Variants in KTN1 observed in about 807,000 individuals in gnomAD.
KTN1 encodes the protein kinectin.
A neutral mutation model predicts 222.5 loss-of-function variants in KTN1; 130 were observed. The observed-to-expected ratio is 0.58, with a 90% confidence interval of 0.51 to 0.68. KTN1 has a LOEUF of 0.68. Among genes scored for constraint, KTN1 ranks in the 30% least tolerant of loss-of-function variants. The pLI, the probability that KTN1 is intolerant of heterozygous loss-of-function variation, is 0.00. For missense variants in KTN1, 1,508 were observed against 1,500.4 expected, an observed-to-expected ratio of 1.01 and a Z score of -0.08; for synonymous variants, 512 against 496.3, an observed-to-expected ratio of 1.03 and a Z score of -0.42.
chr14:55,650,360 TAGA>T lies in KTN1; in HGVS notation c.2442_2444del (p.Glu815del). The stretch of plus-strand genomic sequence containing the variant: ...GAGAAAGATGGAAAGATCAAGTCTG[TAGA>T]AGAGCTTCTGGAGGCAGAACTTCTC... On this transcript the variant is annotated inframe_deletion, in exon 23 of 44. Transcript: ENST00000395314. The T allele has an allele frequency of 1.2e-6, 2 of 1,610,742 alleles. No homozygotes were observed. Among genetic ancestry groups the T allele is most frequent in the Non-Finnish European group, 1.7e-6 (2 of 1,178,734 alleles).
At chr14:55,656,694 T>G (rs957938655) in intron 29 of KTN1, among the ~76,000 whole-genome samples, 4 of 152,136 alleles carry the variant, frequency 2.6e-5, no homozygotes, top group Non-Finnish European at 4.4e-5. Context: ...CTCGAACTCC[T>G]GACCTCAGGT....
chr14:55,601,473 T>C (rs1013058957), intron 1 of KTN1, among the ~76,000 whole-genome samples: 1 of 152,228 alleles, frequency 6.6e-6, no homozygotes, highest in African/African-American at 2.4e-5. Flanking sequence ...ATAATTGCGT[T>C]GTGCACTCCG....
Position 55,671,765 on chromosome 14 carries a change from A to C in KTN1, c.3439-20A>C. 1 of 1,584,342 alleles carries C rather than the reference A, an allele frequency of 6.3e-7. No homozygotes were observed. The highest frequency in any genetic ancestry group is 8.7e-7 in the Non-Finnish European group (1 of 1,154,156). ...CATTAGAACATGAATTTTTCAAAACAACTATGCTTTTGTCTGTAGGAAGGA... is the reference window on the plus strand; with the variant it reads ...CATTAGAACATGAATTTTTCAAAACCACTATGCTTTTGTCTGTAGGAAGGA... On this transcript the variant is annotated intron_variant, in intron 36 of 43. Coordinates refer to ENST00000395314, the MANE Select transcript of KTN1 (RefSeq NM_001079521.2).
intron 1 of KTN1, among the ~76,000 whole-genome samples, chr14:55,589,722 G>T (rs1218912214): frequency 7.2e-6 from 1 of 138,952 alleles, no homozygotes; most frequent in Non-Finnish European, 1.5e-5. Flanking sequence ...GCAGTGGCAC[G>T]ATCTCTGCTC....
At chr14:55,660,148 A>G (rs972598095) in intron 31 of KTN1, among the ~76,000 whole-genome samples, 1 of 152,120 alleles carries the variant, frequency 6.6e-6, no homozygotes, top group Non-Finnish European at 1.5e-5. Flanking sequence ...GGGGAGACTG[A>G]GACGGGAGGA....
chr14:55,629,417 CAAAAAAAAAAAA>C (rs58348373), intron 6 of KTN1, among the ~76,000 whole-genome samples: 3 of 49,148 alleles, frequency 6.1e-5, no homozygotes, highest in South Asian at 1.7e-3. Flanking sequence ...GACTCCGTCT[CAAAAAAAAAAAA>C]AAAAAAAAAA....
chr14:55,639,041 A>G (rs577533844), intron 12 of KTN1, 144 bp from the exon 13 acceptor site: 1 of 547,664 alleles, frequency 1.8e-6, no homozygotes, highest in Non-Finnish European at 3.3e-6. Flanking sequence ...GTTACTCTTT[A>G]TTGAACACTT....
At position 55,612,570 on chromosome 14, in the gene KTN1, C is replaced by T. The variant is rs766562759; in HGVS notation, c.522C>T (p.Ser174=). The T allele has an allele frequency of 1.2e-5, 19 of 1,574,138 alleles. No individual in the cohort carries two copies. The highest frequency in any genetic ancestry group is 6.9e-5 in the African/African-American group (5 of 72,336). The change falls in exon 2 of 44, where the codon AGC becomes AGT. Residue 174 remains serine (S), a splice_region_variant and synonymous_variant. Transcript: ENST00000395314. ...GGCAGAAGAAGTCTAAAAATGGAAG[C>T]GGTATTGTAATCTATTTAATCTATT... is the stretch of plus-strand genomic sequence containing the variant. ...KPGQKKSKNG[S]DDQDKKVETL...
chr14:55,589,656 C>CTTTTTTTTTTTT (rs765755065), intron 1 of KTN1, among the ~76,000 whole-genome samples: 5 of 102,060 alleles, frequency 4.9e-5, no homozygotes, highest in Non-Finnish European at 9.5e-5. Flanking sequence ...CATCTGATTT[C>CTTTTTTTTTTTT]TTTTTTTTTT....
intron 23 of KTN1, 42 bp downstream of exon 23, chr14:55,650,460 C>T (rs745594698): frequency 1.2e-5 from 18 of 1,526,718 alleles, no homozygotes; most frequent in Non-Finnish European, 1.5e-5. Flanking sequence ...TTTTGTTTAT[C>T]AACTTTAGTT....
Position 55,641,736 on chromosome 14 carries a change from G to A in KTN1, c.2148G>A (p.Lys716=). Residue 716 remains lysine (K), a synonymous_variant, in exon 18 of 44, where the codon AAG becomes AAA. Coordinates refer to ENST00000395314, the MANE Select transcript of KTN1 (RefSeq NM_001079521.2). ...QNKALKSEVQ[K]LQTLVSEQPN... is the part of the protein sequence containing the mutation. Reference sequence around the variant, plus strand: ...AAGCATTAAAATCAGAAGTTCAGAAGCTACAGACTCTTGTTTCTGAACAGG... The same window carrying A: ...AAGCATTAAAATCAGAAGTTCAGAAACTACAGACTCTTGTTTCTGAACAGG... 1 of 1,600,588 alleles carries A rather than the reference G, an allele frequency of 6.2e-7. No individual in the cohort carries two copies. The highest frequency in any genetic ancestry group is 8.6e-7 in the Non-Finnish European group (1 of 1,167,956).
chr14:55,612,648 TAC>T, intron 2 of KTN1, 77 bp downstream of exon 2: 1 of 1,154,786 alleles, frequency 8.7e-7, no homozygotes, highest in South Asian at 1.7e-5. Context: ...GTTAGGTACA[TAC>T]ACAGAATGTT....
At chr14:55,658,303 G>C (rs1014194442) in intron 29 of KTN1, among the ~76,000 whole-genome samples, 2 of 152,114 alleles carry the variant, frequency 1.3e-5, no homozygotes, top group Non-Finnish European at 2.9e-5. Flanking sequence ...TAAATTCTTA[G>C]AGCTATTTCG....
At chr14:55,605,032 T>C (rs2036535055) in intron 1 of KTN1, among the ~76,000 whole-genome samples, 1 of 152,240 alleles carries the variant, frequency 6.6e-6, no homozygotes, top group Admixed American at 6.5e-5. Context: ...GATAGGAACC[T>C]ATTCCTATAT....
At chr14:55,660,785 A>G (rs147745407) in intron 31 of KTN1, among the ~76,000 whole-genome samples, 1 of 152,344 alleles carries the variant, frequency 6.6e-6, no homozygotes, top group Non-Finnish European at 1.5e-5. Context: ...ATATGTGTGT[A>G]CATGTATAAA....
At chr14:55,641,635 G>A in intron 17 of KTN1, 57 bp from the exon 18 acceptor site, 1 of 1,077,314 alleles carries the variant, frequency 9.3e-7, no homozygotes, top group Non-Finnish European at 1.4e-6. Flanking sequence ...CCATTCAAAT[G>A]ATTGCTTTAT....
intron 34 of KTN1, 40 bp downstream of exon 34, chr14:55,667,370 T>C: frequency 8.1e-7 from 1 of 1,231,980 alleles, no homozygotes. Flanking sequence ...GATGACATTA[T>C]TCAAGAAAGG....
At chr14:55,667,905 C>CGGG (rs2045002839) in intron 34 of KTN1, 1 of 143,196 alleles carries the variant, frequency 7.0e-6, no homozygotes, top group Non-Finnish European at 1.5e-5. Flanking sequence ...AGTGTAGGGT[C>CGGG]TTTTTTTTTT....
chr14:55,657,605 C>G (rs754724950), intron 29 of KTN1, among the ~76,000 whole-genome samples: 1 of 151,958 alleles, frequency 6.6e-6, no homozygotes, highest in Non-Finnish European at 1.5e-5. Context: ...AAAGGTATCT[C>G]TCTACGATCA....
Sources: allele counts gnomAD v4.1 joint callset (sites outside exome capture counted in the v4.1 genomes callset), GRCh38; gene constraint gnomAD v4.1.1; transcripts MANE v1.5; gene names NCBI Gene and HGNC (gene_info 2026-07-23, HGNC 2026-07-21).